SNX14: variants seen among roughly 807,000 people sequenced by gnomAD.
SNX14 encodes the protein sorting nexin-14.
In SNX14, 93 loss-of-function variants were observed where a neutral mutation model predicts 133.8. The observed-to-expected ratio is 0.70, with a 90% CI of 0.59 to 0.83. The LOEUF (loss-of-function observed/expected upper bound fraction) is 0.83, where lower values mean the gene tolerates loss of function less well. Ranked by LOEUF, SNX14 falls within the 40% of genes least tolerant of loss-of-function variation. The pLI is 0.00. For synonymous variants in SNX14, 368 were observed against 365.6 expected (o/e 1.01, Z -0.07); for missense variants, 945 against 1,094.9 (o/e 0.86, Z 1.93).
chr6:85,565,213 G>C (rs944259842), intron 6 of SNX14, 119 bp downstream of exon 6: 3 of 568,020 alleles, frequency 5.3e-6, no homozygotes, highest in Non-Finnish European at 9.4e-6. Context: ...CTGTATCAAA[G>C]TATCTCATGT....
At chr6:85,540,211 C>T (rs1391986493) in intron 15 of SNX14, among the ~76,000 whole-genome samples, 1 of 152,180 alleles carries the variant, frequency 6.6e-6, no homozygotes, top group Non-Finnish European at 1.5e-5. Context: ...ATCTGCCTGC[C>T]TCGGCCTCCC....
intron 6 of SNX14, among the ~76,000 whole-genome samples, 160 bp from the exon 7 acceptor site, chr6:85,558,220 TTAGA>T (rs1179151010): frequency 3.3e-5 from 5 of 152,210 alleles, no homozygotes; most frequent in African/African-American, 9.6e-5. Context: ...AACTGTAACA[TTAGA>T]TAATTTTTTT....
intron 23 of SNX14, among the ~76,000 whole-genome samples, chr6:85,514,955 T>C (rs1003971527): frequency 1.3e-5 from 2 of 152,110 alleles, no homozygotes; most frequent in Non-Finnish European, 2.9e-5. Context: ...ATATTATTGA[T>C]AGCTAACTTT....
At chr6:85,549,983 A>C in intron 7 of SNX14, 104 bp from the exon 8 acceptor site, 18 of 976,962 alleles carry the variant, frequency 1.8e-5, no homozygotes, top group Non-Finnish European at 2.2e-5. Context: ...GTGGTGGCTC[A>C]TGCCTGTAAT....
intron 21 of SNX14, among the ~76,000 whole-genome samples, chr6:85,522,514 C>T (rs768361543): frequency 5.9e-5 from 9 of 152,068 alleles, no homozygotes; most frequent in Non-Finnish European, 8.8e-5. Context: ...ACAATGAATA[C>T]GATTTCTATT....
chr6:85,526,836 G>T (rs535349216), intron 20 of SNX14, among the ~76,000 whole-genome samples: 1 of 152,248 alleles, frequency 6.6e-6, no homozygotes, highest in African/African-American at 2.4e-5. Flanking sequence ...TTGGGAAGCT[G>T]ATACAGTGGA....
chr6:85,527,008 G>A (rs1778703115), intron 20 of SNX14, among the ~76,000 whole-genome samples: 2 of 152,180 alleles, frequency 1.3e-5, no homozygotes, highest in South Asian at 4.1e-4. Flanking sequence ...GGTGGAGGTT[G>A]CAGTGAGCTG....
intron 4 of SNX14, among the ~76,000 whole-genome samples, chr6:85,570,955 T>C (rs1192413433): frequency 2.4e-4 from 36 of 152,148 alleles, no homozygotes; most frequent in Admixed American, 2.3e-3. Flanking sequence ...ACAGAACACA[T>C]GTCAACTTGG....
chr6:85,531,958 G>A (rs772536722), intron 18 of SNX14, among the ~76,000 whole-genome samples: 1 of 152,052 alleles, frequency 6.6e-6, no homozygotes, highest in Non-Finnish European at 1.5e-5. Context: ...AACCCGGGAA[G>A]TTGAGGCTGT....
rs766617766 is a variant in SNX14 at position 85,533,795 on chromosome 6, T to C, written c.1614A>G (p.Glu538=). The C allele has an allele frequency of 1.9e-6, 3 of 1,610,324 alleles. No homozygotes were observed. The highest frequency in any genetic ancestry group is 2.5e-6 in the Non-Finnish European group (3 of 1,179,234). Residue 538 remains glutamate (E), a synonymous_variant, in exon 18 of 29, where the codon GAA becomes GAG. Transcript: ENST00000314673. ...GVAEGEDDFI[E]EGIVVMEDDS... Reference sequence around the variant, plus strand: ...CATCTTCCATTACAACAATACCTTCTTCAATCTGGAAAAAAATTACCAGGA... The same window carrying C: ...CATCTTCCATTACAACAATACCTTCCTCAATCTGGAAAAAAATTACCAGGA...
intron 1 of SNX14, among the ~76,000 whole-genome samples, chr6:85,576,593 A>G (rs1033197481): frequency 6.6e-6 from 1 of 152,224 alleles, no homozygotes; most frequent in African/African-American, 2.4e-5. Flanking sequence ...AAGCTGTAAT[A>G]AAACTGACAG....
chr6:85,553,056 AC>A (rs1294917298), intron 7 of SNX14, among the ~76,000 whole-genome samples: 5 of 149,492 alleles, frequency 3.3e-5, no homozygotes, highest in Non-Finnish European at 5.9e-5. Flanking sequence ...AAGTCTAAAA[AC>A]CCTTGCTTGT....
intron 18 of SNX14, among the ~76,000 whole-genome samples, chr6:85,530,845 A>C (rs963746421): frequency 6.6e-6 from 1 of 152,166 alleles, no homozygotes; most frequent in African/African-American, 2.4e-5. Context: ...GAGCTGACAG[A>C]AACTTTAAAA....
chr6:85,585,990 GAAA>G (rs536086390), intron 1 of SNX14, among the ~76,000 whole-genome samples: 3 of 75,126 alleles, frequency 4.0e-5, no homozygotes, highest in African/African-American at 4.4e-5. Flanking sequence ...CCCGCAACAG[GAAA>G]AAAAAAAAAA....
Position 85,526,278 on chromosome 6 carries a change from C to G in SNX14, c.1996-41G>C, listed in dbSNP as rs1283568077. 3.3e-6 allele frequency: 4 copies of G among 1,226,778 alleles called. No individual in the cohort carries two copies. In the Admixed American group the frequency reaches 8.8e-5, roughly 27 times the overall value. The allele number at this position is 1,226,778 out of a possible 1,614,324, so 76.0% of individuals were successfully genotyped here. A position where few individuals can be genotyped will look rare whatever the true frequency, so the allele number is the denominator to read the frequency against. On this transcript the variant is annotated intron_variant, in intron 20 of 28. Transcript: ENST00000314673. ...AAAACGGAAAACACAGTTTAGAAAT[C>G]TAGAGGAGTAGTCAAAACTGTATTT...
chr6:85,542,116 C>A, intron 14 of SNX14, 73 bp from the exon 15 acceptor site: 2 of 1,038,062 alleles, frequency 1.9e-6, no homozygotes, highest in Non-Finnish European at 2.7e-6. Context: ...CCTTAGTTTA[C>A]TACTTTCCAG....
intron 14 of SNX14, among the ~76,000 whole-genome samples, chr6:85,542,781 A>G (rs1784221327): frequency 6.6e-6 from 1 of 151,756 alleles, no homozygotes; most frequent in African/African-American, 2.4e-5. Context: ...TCTGTTTTCT[A>G]CTGAGACGGA....
intron 25 of SNX14, 78 bp from the exon 26 acceptor site, chr6:85,513,973 T>C (rs1157360520): frequency 1.3e-6 from 2 of 1,553,980 alleles, no homozygotes; most frequent in Non-Finnish European, 1.7e-6. Flanking sequence ...GTAGAAATAC[T>C]AATAAACCAA....
rs746552424 is a variant in SNX14, at chr6:85,533,719, C to T, written c.1690G>A (p.Ala564Thr). 1.8e-5 allele frequency: 29 copies of T among 1,613,984 alleles called. No individual in the cohort carries two copies. The Admixed American group carries it at 4.8e-4, about 27-fold the overall frequency. Residue 564 changes from alanine (A) to threonine (T), a missense_variant, in exon 18 of 29, where the codon GCA becomes ACA. Ala to Thr is a moderately conservative substitution (Grantham distance 58, BLOSUM62 0). This residue lies in a region of SNX14 where 412 missense variants were observed against 516.6 expected (regional missense o/e 0.80). Coordinates refer to ENST00000314673, the MANE Select transcript of SNX14 (RefSeq NM_153816.6). Reference protein sequence around the residue: ...STPNTPRNLAAWKISIPYVDF... With the variant: ...STPNTPRNLATWKISIPYVDF... Reference sequence around the variant, plus strand: ...ACATATGGAATGCTAATTTTCCATGCAGCAAGGTTTCGGGGAGTATTAGGT... The same window carrying T: ...ACATATGGAATGCTAATTTTCCATGTAGCAAGGTTTCGGGGAGTATTAGGT...
Sources: gnomAD v4.1 joint callset for allele counts (sites outside exome capture counted in the v4.1 genomes callset) on GRCh38, gnomAD v4.1.1 for gene constraint, gnomAD v4.1.1 regional missense constraint, MANE v1.5 for transcripts, NCBI Gene and HGNC (gene_info 2026-07-23, HGNC 2026-07-21) for gene names.